CADPS2: variants seen among roughly 807,000 people sequenced by gnomAD.
CADPS2 encodes the protein calcium-dependent secretion activator 2.
A neutral mutation model predicts 172.5 loss-of-function variants in CADPS2; 93 were observed. That is an observed-to-expected ratio of 0.54 (90% CI 0.46 to 0.64). CADPS2 has a LOEUF of 0.64. Ranked by LOEUF, CADPS2 falls within the 30% of genes least tolerant of loss-of-function variation. The pLI is 0.00. For synonymous variants in CADPS2, 546 were observed against 555.2 expected (o/e 0.98, Z 0.23); for missense variants, 1,420 against 1,565.9 (o/e 0.91, Z 1.57).
At chr7:122,675,390 C>G (rs1233761300) in intron 2 of CADPS2, among the ~76,000 whole-genome samples, 1 of 152,174 alleles carries the variant, frequency 6.6e-6, no homozygotes, top group African/African-American at 2.4e-5. Flanking sequence ...CCTCTGATTT[C>G]AAGTGAAAAC....
chr7:122,576,276 G>A (rs1195932076), intron 7 of CADPS2, among the ~76,000 whole-genome samples: 1 of 152,146 alleles, frequency 6.6e-6, no homozygotes, highest in Non-Finnish European at 1.5e-5. Flanking sequence ...ATAATAGAGA[G>A]CATAGGATAT....
At chr7:122,520,654 G>C (rs540231263) in intron 8 of CADPS2, among the ~76,000 whole-genome samples, 3 of 151,898 alleles carry the variant, frequency 2.0e-5, no homozygotes, top group Non-Finnish European at 4.4e-5. Flanking sequence ...TAAAGAACTC[G>C]CTTACCCAAA....
chr7:122,781,063 T>G (rs1272207607), intron 1 of CADPS2, among the ~76,000 whole-genome samples: 2 of 152,224 alleles, frequency 1.3e-5, no homozygotes, highest in African/African-American at 4.8e-5. Flanking sequence ...ACCACACTCA[T>G]GATTATTAAT....
At position 122,516,599 on chromosome 7, in the gene CADPS2, A is replaced by G. The variant is rs895349380; in HGVS notation, c.1476-3284T>C. Among the ~76,000 whole-genome samples, 20 of 152,274 alleles carry G rather than the reference A, an allele frequency of 1.3e-4. No homozygotes were observed. In the South Asian group the frequency reaches 2.3e-3, roughly 17 times the overall value. On this transcript the variant is annotated intron_variant, in intron 8 of 29. Transcript: ENST00000449022. ...ATGTTCATCAATATTATTTAAGAAT[A>G]AACACTCAAAAACAATCTAAAAATC... is the stretch of plus-strand genomic sequence containing the variant.
chr7:122,482,632 G>A (rs2057422637), intron 11 of CADPS2, among the ~76,000 whole-genome samples: 2 of 152,134 alleles, frequency 1.3e-5, no homozygotes, highest in African/African-American at 4.8e-5. Flanking sequence ...TGATTCCTGA[G>A]GGACGGGAAA....
rs1407992917 is a variant in CADPS2 at position 122,695,163 on chromosome 7, G to C, written c.454-31594C>G. On this transcript the variant is annotated intron_variant, in intron 2 of 29. Coordinates refer to ENST00000449022, the MANE Select transcript of CADPS2 (RefSeq NM_017954.11). ...AGTGTGTCCTATAACAAGAGGTACT[G>C]TATAGATGGAGTGAGTCATTTCACC... 2.6e-5 allele frequency among the ~76,000 whole-genome samples: 4 copies of C among 152,208 alleles called. No homozygotes were observed. The East Asian group carries it at 7.7e-4, about 29-fold the overall frequency.
intron 13 of CADPS2, among the ~76,000 whole-genome samples, chr7:122,472,679 A>C (rs1308685851): frequency 6.6e-6 from 1 of 152,186 alleles, no homozygotes; most frequent in African/African-American, 2.4e-5. Context: ...CCGAGAGGAC[A>C]CTATCCCTTA....
At chr7:122,531,235 G>A (rs1224854435) in intron 8 of CADPS2, among the ~76,000 whole-genome samples, 1 of 152,198 alleles carries the variant, frequency 6.6e-6, no homozygotes, top group African/African-American at 2.4e-5. Context: ...TGCAGAGAGC[G>A]TCAAAGAAAA....
chr7:122,778,371 T>C (rs187540553), intron 1 of CADPS2, among the ~76,000 whole-genome samples: 96 of 152,148 alleles, frequency 6.3e-4, no homozygotes, highest in Non-Finnish European at 1.1e-3. Flanking sequence ...GATGATATAA[T>C]AGAAAAGAAA....
At chr7:122,867,428 C>T (rs1250843707) in intron 1 of CADPS2, among the ~76,000 whole-genome samples, 1 of 152,122 alleles carries the variant, frequency 6.6e-6, no homozygotes, top group Non-Finnish European at 1.5e-5. Context: ...GATATACTTG[C>T]ACACTAACTC....
At chr7:122,363,005 G>A (rs1585276569) in intron 25 of CADPS2, among the ~76,000 whole-genome samples, 1 of 152,088 alleles carries the variant, frequency 6.6e-6, no homozygotes, top group African/African-American at 2.4e-5. Flanking sequence ...TGCTTGGGTA[G>A]CTATCCTAAA....
intron 22 of CADPS2, among the ~76,000 whole-genome samples, chr7:122,392,265 C>T (rs531332603): frequency 2.9e-4 from 44 of 152,022 alleles, no homozygotes; most frequent in African/African-American, 9.4e-4. Context: ...AATGATGATG[C>T]CTGATGATAG....
At chr7:122,325,438 G>T in intron 29 of CADPS2, 39 bp downstream of exon 29, 1 of 1,300,948 alleles carries the variant, frequency 7.7e-7, no homozygotes, top group Non-Finnish European at 1.1e-6. Flanking sequence ...ATTCCTTATA[G>T]CTTAGTGGGC....
At chr7:122,352,306 C>T (rs1484587487) in intron 27 of CADPS2, among the ~76,000 whole-genome samples, 2 of 152,152 alleles carry the variant, frequency 1.3e-5, no homozygotes, top group Non-Finnish European at 2.9e-5. Flanking sequence ...TTAGAAAATA[C>T]TACATGAGGA....
Position 122,621,717 on chromosome 7 carries a change from C to T in CADPS2, c.868G>A (p.Glu290Lys), listed in dbSNP as rs2075624198. ...GCTATAAATTTGGGGAATTTTCTTT[C>T]CTTGAAAATAATTTTTAAAATAATA... ...RLQLADKMAKERKFPKFIAKD... is the reference protein window; with the variant it reads ...RLQLADKMAKKRKFPKFIAKD... Residue 290 changes from glutamate to lysine, a missense_variant and splice_region_variant, in exon 5 of 30, where the codon GAA (glutamate) becomes AAA (lysine). Glu to Lys is a moderately conservative substitution (Grantham distance 56). Coordinates refer to ENST00000449022, the MANE Select transcript of CADPS2 (RefSeq NM_017954.11). 1.3e-6 allele frequency: 2 copies of T among 1,527,392 alleles called. No homozygotes were observed. Among genetic ancestry groups the T allele is most frequent in the South Asian group, 2.4e-5 (2 of 83,620 alleles). 94.6% of individuals were successfully genotyped at this position (1,527,392 alleles called of 1,614,324 possible). A position where few individuals can be genotyped will look rare whatever the true frequency, so the allele number is the denominator to read the frequency against.
chr7:122,488,565 C>T (rs531365355), intron 11 of CADPS2, among the ~76,000 whole-genome samples: 5 of 152,296 alleles, frequency 3.3e-5, no homozygotes, highest in South Asian at 2.1e-4. Context: ...TCCATGGTGA[C>T]GAGCAGTGCA....
Position 122,533,105 on chromosome 7 carries a change from G to C in CADPS2, c.1476-19790C>G, listed in dbSNP as rs75215932. ...CTAAGTAACCCTCAAATCTCTTTTA[G>C]CTCTTAAATTCCTACATATCTAATA... On this transcript the variant is annotated intron_variant, in intron 8 of 29. Transcript: ENST00000449022. 7.3e-3 allele frequency among the ~76,000 whole-genome samples: 1,107 copies of C among 152,004 alleles called. 8 individuals carry two copies. Among genetic ancestry groups the C allele is most frequent in the Non-Finnish European group, 0.012 (788 of 67,982 alleles).
intron 17 of CADPS2, among the ~76,000 whole-genome samples, chr7:122,419,112 C>T (rs1174828679): frequency 6.6e-6 from 1 of 152,112 alleles, no homozygotes; most frequent in African/African-American, 2.4e-5. Flanking sequence ...GGGTCTCATT[C>T]ATATAGTTAT....
chr7:122,442,274 G>T (rs2151966775), intron 15 of CADPS2, among the ~76,000 whole-genome samples: 1 of 152,210 alleles, frequency 6.6e-6, no homozygotes, highest in Admixed American at 6.5e-5. Context: ...TCTTTACCAG[G>T]GGGTCCTGCT....
Sources: allele counts gnomAD v4.1 joint callset (sites outside exome capture counted in the v4.1 genomes callset), GRCh38; gene constraint gnomAD v4.1.1; transcripts MANE v1.5; gene names NCBI Gene and HGNC (gene_info 2026-07-23, HGNC 2026-07-21).